The following TAFA2 variants were observed in gnomAD, a reference collection of about 807,000 sequenced individuals.
The protein encoded by TAFA2 is TAFA chemokine like family member 2.
In TAFA2, 7 loss-of-function variants were observed where a neutral mutation model predicts 18.8. The observed-to-expected ratio is 0.37, with a 90% CI of 0.21 to 0.70. The LOEUF is 0.70. Ranked by LOEUF, TAFA2 falls within the 30% of genes least tolerant of loss-of-function variation. The pLI, the probability that TAFA2 is intolerant of heterozygous loss-of-function variation, is 0.53. For missense variants in TAFA2, 122 were observed against 158.1 expected, an observed-to-expected ratio of 0.77 and a Z score of 1.23; for synonymous variants, 60 against 54.2, an observed-to-expected ratio of 1.11 and a Z score of -0.47.
rs1555186752 is a variant in TAFA2, at chr12:62,059,118, AAT to A, written c.-2+132139_-2+132140del. Among the ~76,000 whole-genome samples, 17 of 68,512 alleles carry A rather than the reference AAT, an allele frequency of 2.5e-4. No individual in the cohort carries two copies. In the East Asian group the frequency reaches 4.0e-3, roughly 16 times the overall value. The allele number at this position is 68,512 out of a possible 152,430, so 44.9% of individuals were successfully genotyped here. ...ACTCCGTCTCAAAAAAAATAATAAT[AAT>A]ATATATATATGTGTGTATATGTGTG... On this transcript the variant is annotated intron_variant, in intron 1 of 4. Coordinates refer to ENST00000416284, the MANE Select transcript of TAFA2 (RefSeq NM_178539.5).
At chr12:62,033,042 C>T (rs1474868120) in intron 1 of TAFA2, among the ~76,000 whole-genome samples, 3 of 152,130 alleles carry the variant, frequency 2.0e-5, no homozygotes, top group African/African-American at 4.8e-5. Context: ...CATGGAAACA[C>T]GTACATGAAC....
intron 1 of TAFA2, among the ~76,000 whole-genome samples, chr12:61,967,311 C>T (rs925643231): frequency 1.3e-4 from 20 of 151,742 alleles, no homozygotes; most frequent in Non-Finnish European, 1.9e-4. Context: ...GGCTTGCTCC[C>T]AAGTAATGAC....
chr12:61,965,248 C>T (rs1050526464), intron 1 of TAFA2, among the ~76,000 whole-genome samples: 19 of 151,908 alleles, frequency 1.3e-4, no homozygotes, highest in Middle Eastern at 3.4e-3. Flanking sequence ...AACTTGTTTG[C>T]CCTTTTCACT....
At chr12:62,120,990 G>C (rs1870171238) in intron 1 of TAFA2, among the ~76,000 whole-genome samples, 2 of 152,066 alleles carry the variant, frequency 1.3e-5, no homozygotes, top group African/African-American at 4.8e-5. Context: ...GAATAGGTGG[G>C]ATTACAGACG....
At chr12:62,141,091 T>A (rs1271431666) in intron 1 of TAFA2, among the ~76,000 whole-genome samples, 1 of 152,204 alleles carries the variant, frequency 6.6e-6, no homozygotes, top group Non-Finnish European at 1.5e-5. Context: ...TTAAAAATAG[T>A]CTCAGAGAAG....
chr12:61,923,938 A>T (rs1877167079), intron 1 of TAFA2, among the ~76,000 whole-genome samples: 1 of 151,776 alleles, frequency 6.6e-6, no homozygotes, highest in Non-Finnish European at 1.5e-5. Context: ...TTCATGAAAC[A>T]TACACAAGTA....
At chr12:61,918,019 T>G (rs1048618844) in intron 1 of TAFA2, among the ~76,000 whole-genome samples, 1 of 152,124 alleles carries the variant, frequency 6.6e-6, no homozygotes, top group Admixed American at 6.6e-5. Context: ...ATTTATTTTT[T>G]TTTTCATTTG....
chr12:62,054,933 C>A (rs1882147788), intron 1 of TAFA2, among the ~76,000 whole-genome samples: 2 of 152,190 alleles, frequency 1.3e-5, no homozygotes, highest in Admixed American at 1.3e-4. Flanking sequence ...AAATTAGTCT[C>A]ATACATATAG....
intron 2 of TAFA2, among the ~76,000 whole-genome samples, chr12:61,858,605 T>C (rs1377765247): frequency 6.6e-6 from 1 of 152,096 alleles, no homozygotes; most frequent in Non-Finnish European, 1.5e-5. Flanking sequence ...TTAGGTTGCA[T>C]TTATATGTTT....
At chr12:62,079,173 C>T (rs1868282638) in intron 1 of TAFA2, among the ~76,000 whole-genome samples, 1 of 152,200 alleles carries the variant, frequency 6.6e-6, no homozygotes, top group Non-Finnish European at 1.5e-5. Context: ...TTGCAGGATG[C>T]TTTCCTCTAA....
intron 1 of TAFA2, among the ~76,000 whole-genome samples, chr12:62,180,612 T>G (rs2062545585): frequency 6.6e-6 from 1 of 152,196 alleles, no homozygotes; most frequent in South Asian, 2.1e-4. Flanking sequence ...AGTTTTAATT[T>G]TGTGGAATCT....
chr12:62,163,820 T>TA (rs1371512972), intron 1 of TAFA2, among the ~76,000 whole-genome samples: 7 of 151,928 alleles, frequency 4.6e-5, no homozygotes, highest in South Asian at 4.2e-4. Context: ...CTGGACAAAG[T>TA]AAAAAAAATA....
At chr12:61,767,171 G>A (rs1869825886) in intron 2 of TAFA2, among the ~76,000 whole-genome samples, 1 of 152,132 alleles carries the variant, frequency 6.6e-6, no homozygotes, top group Admixed American at 6.6e-5. Flanking sequence ...GCTCATCAGA[G>A]AAGCAATGTG....
intron 1 of TAFA2, among the ~76,000 whole-genome samples, chr12:62,226,723 A>G (rs2062788646): frequency 2.6e-5 from 4 of 152,182 alleles, no homozygotes; most frequent in African/African-American, 9.7e-5. Flanking sequence ...TGACTCTACT[A>G]TTCACCAAGT....
At position 62,118,438 on chromosome 12, in the gene TAFA2, C is replaced by T. The variant is rs867139779; in HGVS notation, c.-2+72821G>A. Among the ~76,000 whole-genome samples, 5 of 151,998 alleles carry T rather than the reference C, an allele frequency of 3.3e-5. No individual in the cohort carries two copies. The South Asian group carries it at 1.0e-3, about 31-fold the overall frequency. The stretch of plus-strand genomic sequence containing the variant: ...TTCCAAGTGGCAATGATGTTAACAT[C>T]TTTACACATATTTTTGTTGTATATG... On this transcript the variant is annotated intron_variant, in intron 1 of 4. Transcript: ENST00000416284.
intron 2 of TAFA2, among the ~76,000 whole-genome samples, chr12:61,862,679 C>T (rs1398223697): frequency 1.3e-5 from 2 of 152,150 alleles, no homozygotes; most frequent in African/African-American, 4.8e-5. Flanking sequence ...GCACACCATC[C>T]TCCTTGCTAT....
rs111702908 is a variant in TAFA2, at chr12:61,965,343, T to C, written c.-1-97917A>G. 7.8e-4 allele frequency among the ~76,000 whole-genome samples: 119 copies of C among 152,074 alleles called. 3 individuals are homozygous for C. Among genetic ancestry groups the C allele is most frequent in the Admixed American group, 2.6e-4 (4 of 15,246 alleles). On this transcript the variant is annotated intron_variant, in intron 1 of 4. Coordinates refer to ENST00000416284, the MANE Select transcript of TAFA2 (RefSeq NM_178539.5). ...ACCAAACCTGCCAGTGTCTCAATCT[T>C]GGACTGCTCAGCCTCCAGAACTGTG...
intron 1 of TAFA2, among the ~76,000 whole-genome samples, chr12:62,239,504 G>A (rs547780500): frequency 1.7e-4 from 26 of 152,266 alleles, no homozygotes; most frequent in Non-Finnish European, 3.5e-4. Context: ...AGTTTTGGTG[G>A]ACAATTGTGA....
chr12:61,768,743 G>A (rs1031091843), intron 2 of TAFA2, among the ~76,000 whole-genome samples: 1 of 152,068 alleles, frequency 6.6e-6, no homozygotes. Context: ...GTCTGCCAGT[G>A]GAATTGGAGA....
Sources: allele counts gnomAD v4.1 joint callset (sites outside exome capture counted in the v4.1 genomes callset), GRCh38; gene constraint gnomAD v4.1.1; transcripts MANE v1.5; gene names NCBI Gene and HGNC (gene_info 2026-07-23, HGNC 2026-07-21).